The following PLEKHA7 variants were observed in gnomAD, a reference collection of about 807,000 sequenced individuals.
PLEKHA7 encodes the protein pleckstrin homology domain-containing family A member 7.
Under a neutral mutation model 170.0 loss-of-function variants are expected in PLEKHA7, and 104 were observed. The ratio of observed to expected loss-of-function variants is 0.61; its 90% confidence interval spans 0.52 to 0.72. The LOEUF (loss-of-function observed/expected upper bound fraction) is 0.72. Ranked by LOEUF, PLEKHA7 falls within the 30% of genes least tolerant of loss-of-function variation. The pLI is 0.00. For synonymous variants in PLEKHA7, 648 were observed against 660.8 expected (o/e 0.98, Z 0.30); for missense variants, 1,615 against 1,671.7 (o/e 0.97, Z 0.59).
chr11:16,831,602 C>T (rs990967068), intron 9 of PLEKHA7, among the ~76,000 whole-genome samples: 49 of 152,186 alleles, frequency 3.2e-4, no homozygotes, highest in African/African-American at 1.1e-3. Context: ...CACTCAGTGG[C>T]CATTTTGGCC....
intron 13 of PLEKHA7, among the ~76,000 whole-genome samples, chr11:16,804,369 T>C (rs1206574286): frequency 2.0e-5 from 3 of 151,022 alleles, no homozygotes; most frequent in Non-Finnish European, 4.4e-5. Context: ...TGTAGATTTC[T>C]CCCCATTCTA....
chr11:17,013,887 C>A, intron 3 of PLEKHA7, 102 bp downstream of exon 3: 1 of 1,304,464 alleles, frequency 7.7e-7, no homozygotes, highest in South Asian at 1.7e-5. Flanking sequence ...GCCAACGAGC[C>A]CGGGCCGGCG....
At chr11:16,855,979 T>C in intron 4 of PLEKHA7, 65 bp from the exon 5 acceptor site, 1 of 1,341,636 alleles carries the variant, frequency 7.5e-7, no homozygotes, top group Non-Finnish European at 1.1e-6. Flanking sequence ...TGCAGTAAGA[T>C]CAGTTCCAGG....
chr11:17,013,915 G>C, intron 3 of PLEKHA7, 74 bp downstream of exon 3: 1 of 1,454,584 alleles, frequency 6.9e-7, no homozygotes. Flanking sequence ...AGGAAGGGCG[G>C]GGCGCCCGGC....
Position 16,789,413 on chromosome 11 carries a change from G to C in PLEKHA7, c.3157-117C>G, listed in dbSNP as rs1478671866. Reference sequence around the variant, plus strand: ...CTCTCTCACACACATGCACACTCTAGTTGGGCTCCTCTTGGCCTTAGAGAA... The same window carrying C: ...CTCTCTCACACACATGCACACTCTACTTGGGCTCCTCTTGGCCTTAGAGAA... On this transcript the variant is annotated intron_variant, in intron 22 of 26. Coordinates refer to ENST00000531066, the MANE Select transcript of PLEKHA7 (RefSeq NM_001329630.2). The surrounding 1 kb of genome is among the most constrained non-coding windows in gnomAD (Gnocchi z 4.6). 2 of 965,726 alleles carry C rather than the reference G, an allele frequency of 2.1e-6. No individual in the cohort carries two copies. Among genetic ancestry groups the C allele is most frequent in the African/African-American group, 3.2e-5 (2 of 62,004 alleles). The allele number at this position is 965,726 out of a possible 1,614,324, so 59.8% of individuals were successfully genotyped here. A position where few individuals can be genotyped will look rare whatever the true frequency, so the allele number is the denominator to read the frequency against.
At chr11:17,006,826 G>A (rs1353426850) in intron 3 of PLEKHA7, among the ~76,000 whole-genome samples, 1 of 152,182 alleles carries the variant, frequency 6.6e-6, no homozygotes, top group African/African-American at 2.4e-5. Context: ...GGGCTGTCCA[G>A]TATTCACTGG....
chr11:16,895,302 C>T (rs11601588), intron 3 of PLEKHA7, among the ~76,000 whole-genome samples: 14,847 of 152,180 alleles, frequency 0.098, 959 homozygotes, highest in Non-Finnish European at 0.14. Context: ...GTTAGAACCC[C>T]GAACTTGCTA....
At chr11:16,794,814 C>A in intron 18 of PLEKHA7, 96 bp downstream of exon 18, 2 of 1,502,714 alleles carry the variant, frequency 1.3e-6, no homozygotes, top group Non-Finnish European at 1.9e-6. Flanking sequence ...TCAACCTCCC[C>A]AAGGGCCATC....
chr11:16,807,704 T>C (rs1456830775), intron 13 of PLEKHA7, among the ~76,000 whole-genome samples: 2 of 152,212 alleles, frequency 1.3e-5, no homozygotes, highest in African/African-American at 4.8e-5. Context: ...TACATGATTA[T>C]GTCTTACCCA....
intron 3 of PLEKHA7, among the ~76,000 whole-genome samples, chr11:16,976,387 A>G (rs900655322): frequency 3.3e-5 from 5 of 152,140 alleles, no homozygotes; most frequent in African/African-American, 7.2e-5. Context: ...CTAATAGTCT[A>G]CCCTATTCCC....
intron 3 of PLEKHA7, among the ~76,000 whole-genome samples, chr11:16,958,945 G>A (rs548110973): frequency 1.3e-5 from 2 of 152,268 alleles, no homozygotes; most frequent in East Asian, 1.9e-4. Flanking sequence ...ACAGGCGGGT[G>A]GGGGGAAAGA....
At chr11:16,839,973 T>C (rs1052090082) in intron 9 of PLEKHA7, among the ~76,000 whole-genome samples, 1 of 152,114 alleles carries the variant, frequency 6.6e-6, no homozygotes, top group African/African-American at 2.4e-5. Context: ...TTCCTTCTCC[T>C]GGGGTGAGAG....
chr11:16,786,842 C>T lies in PLEKHA7; in HGVS notation c.3358-455G>A, dbSNP rs1002639834. ...GCAAGAAGAATAACCAAGGATCTTT[C>T]TATTGGGAATTTTCAACAAGATAAC... On this transcript the variant is annotated intron_variant, in intron 23 of 26. Coordinates refer to ENST00000531066, the MANE Select transcript of PLEKHA7 (RefSeq NM_001329630.2). The T allele has an allele frequency of 4.3e-5, 42 of 985,258 alleles. 1 individual carries two copies. Among genetic ancestry groups the T allele is most frequent in the Non-Finnish European group, 4.1e-5 (34 of 829,952 alleles). The allele number at this position is 985,258 out of a possible 1,614,324, so 61.0% of individuals were successfully genotyped here. A position where few individuals can be genotyped will look rare whatever the true frequency, so the allele number is the denominator to read the frequency against.
At chr11:16,856,908 T>C (rs392981) in intron 4 of PLEKHA7, among the ~76,000 whole-genome samples, 124,723 of 152,106 alleles carry the variant, frequency 0.82, 51,890 homozygotes, top group East Asian at 0.91. Flanking sequence ...ACCAAGCAGA[T>C]CACAGAAAAC....
At position 16,801,772 on chromosome 11, in the gene PLEKHA7, G is replaced by T. The variant is rs1333770637; in HGVS notation, c.2203C>A (p.Gln735Lys). 1.9e-6 allele frequency: 3 copies of T among 1,614,028 alleles called. No individual in the cohort carries two copies. The highest frequency in any genetic ancestry group is 2.5e-6 in the Non-Finnish European group (3 of 1,180,036). The change falls in exon 16 of 27, where the codon CAG becomes AAG. Residue 735 changes from glutamine to lysine, a missense_variant. By Grantham distance (53) the Gln-to-Lys change is moderately conservative. Transcript: ENST00000531066. ...VLEVLHRQME[Q>K]YRDQPQHLEK... ...AAGTGCTGGGGCTGGTCTCGGTACT[G>T]CTCCATCTGTCTGTGCAACACCTCC...
chr11:16,915,499 C>T (rs1858581369), intron 3 of PLEKHA7, among the ~76,000 whole-genome samples: 1 of 145,712 alleles, frequency 6.9e-6, no homozygotes, highest in Non-Finnish European at 1.5e-5. Flanking sequence ...TCTCCCAATG[C>T]TATCCCTCCC....
intron 17 of PLEKHA7, chr11:16,795,355 G>C (rs1474850228): frequency 1.1e-5 from 3 of 267,134 alleles, no homozygotes; most frequent in Non-Finnish European, 2.2e-5. Context: ...AAGTACAACA[G>C]TGGTTGCTGG....
Position 16,801,776 on chromosome 11 carries a change from C to T in PLEKHA7, c.2199G>A (p.Met733Ile). The T allele has an allele frequency of 6.2e-7, 1 of 1,614,190 alleles. No homozygotes were observed. Among genetic ancestry groups the T allele is most frequent in the Non-Finnish European group, 8.5e-7 (1 of 1,180,036 alleles). ...ESVLEVLHRQMEQYRDQPQHL... is the reference protein window; with the variant it reads ...ESVLEVLHRQIEQYRDQPQHL... ...GCTGGGGCTGGTCTCGGTACTGCTCCATCTGTCTGTGCAACACCTCCAGCA... is the reference window on the plus strand; with the variant it reads ...GCTGGGGCTGGTCTCGGTACTGCTCTATCTGTCTGTGCAACACCTCCAGCA... Residue 733 changes from methionine to isoleucine, a missense_variant, in exon 16 of 27, where the codon ATG becomes ATA. Transcript: ENST00000531066.
intron 3 of PLEKHA7, among the ~76,000 whole-genome samples, chr11:16,989,161 CA>C (rs1414235314): frequency 6.6e-6 from 1 of 152,186 alleles, no homozygotes; most frequent in Non-Finnish European, 1.5e-5. Flanking sequence ...AAATCAAAAC[CA>C]AAACCCCTTT....
Sources: gnomAD v4.1 joint callset for allele counts (sites outside exome capture counted in the v4.1 genomes callset) on GRCh38, gnomAD v4.1.1 for gene constraint, Gnocchi (gnomAD v3.1) non-coding constraint, MANE v1.5 for transcripts, NCBI Gene and HGNC (gene_info 2026-07-23, HGNC 2026-07-21) for gene names.